LOXL2: variants seen among roughly 807,000 people sequenced by gnomAD.
LOXL2 encodes the protein lysyl oxidase homolog 2.
A neutral mutation model predicts 93.0 loss-of-function variants in LOXL2; 70 were observed. The observed-to-expected ratio is 0.75, with a 90% CI of 0.62 to 0.92. The LOEUF (loss-of-function observed/expected upper bound fraction) is 0.92. Among genes scored for constraint, LOXL2 ranks in the 40% least tolerant of loss-of-function variants. The probability of loss-of-function intolerance (pLI) is 0.00; values close to 1 mark genes in which losing one functional copy is unlikely to be tolerated. For missense variants in LOXL2, 973 were observed against 1,054.9 expected, an observed-to-expected ratio of 0.92 and a Z score of 1.08; for synonymous variants, 438 against 413.2, an observed-to-expected ratio of 1.06 and a Z score of -0.73.
chr8:23,383,272 C>G (rs1804705414), intron 1 of LOXL2, among the ~76,000 whole-genome samples: 5 of 152,062 alleles, frequency 3.3e-5, no homozygotes, highest in Admixed American at 3.3e-4. Flanking sequence ...CACTTCCTAG[C>G]TATATTAAGA....
In LOXL2 at chr8:23,390,309, G is replaced by A. The variant is rs560533454; in HGVS notation, c.-84+13645C>T. Among the ~76,000 whole-genome samples the A allele has an allele frequency of 1.9e-4, 29 of 152,290 alleles. No homozygotes were observed. In the East Asian group the frequency reaches 4.0e-3, roughly 21 times the overall value. The stretch of plus-strand genomic sequence containing the variant: ...GCTCAGAGAATGAGGGAAGTGGCTC[G>A]GGGGCCATGGGACCCTTTAGAACCA... On this transcript the variant is annotated intron_variant, in intron 1 of 13. Coordinates refer to ENST00000389131, the MANE Select transcript of LOXL2 (RefSeq NM_002318.3).
At chr8:23,374,650 T>C (rs1804557171) in intron 1 of LOXL2, among the ~76,000 whole-genome samples, 1 of 152,246 alleles carries the variant, frequency 6.6e-6, no homozygotes, top group Non-Finnish European at 1.5e-5. Context: ...TTCTAACTGG[T>C]GTGAGATGGT....
At chr8:23,362,865 A>C (rs1804323653) in intron 2 of LOXL2, among the ~76,000 whole-genome samples, 2 of 152,224 alleles carry the variant, frequency 1.3e-5, no homozygotes, top group Non-Finnish European at 2.9e-5. Context: ...AAATGAAAGA[A>C]AACAAATCTA....
chr8:23,365,843 C>G (rs1804391664), intron 2 of LOXL2: 1 of 152,422 alleles, frequency 6.6e-6, no homozygotes, highest in Non-Finnish European at 1.5e-5. Context: ...CCAGTGATCA[C>G]AGCAGCTATG....
intron 3 of LOXL2, among the ~76,000 whole-genome samples, chr8:23,347,201 A>G (rs1395892949): frequency 7.1e-5 from 8 of 112,408 alleles, no homozygotes; most frequent in African/African-American, 3.0e-4. Flanking sequence ...ACACACACAC[A>G]CACACACTAG....
chr8:23,328,709 ATGTGTGTGTG>A lies in LOXL2; in HGVS notation c.967-154_967-145del, dbSNP rs60768341. ...AGCTGCAACTATGCTTGATGTATGG[ATGTGTGTGTG>A]TGTGTGTGTGTGTGTGTGTGTGTGT... On this transcript the variant is annotated intron_variant, in intron 5 of 13. Transcript: ENST00000389131. The A allele has an allele frequency of 1.1e-3, 517 of 460,442 alleles. 1 individual carries two copies. Among genetic ancestry groups the A allele is most frequent in the African/African-American group, 6.6e-3 (278 of 42,290 alleles). The allele number at this position is 460,442 out of a possible 1,614,324, so 28.5% of individuals were successfully genotyped here. A position where few individuals can be genotyped will look rare whatever the true frequency, so the allele number is the denominator to read the frequency against.
chr8:23,328,104 C>T (rs956585693), intron 6 of LOXL2, among the ~76,000 whole-genome samples: 3 of 152,058 alleles, frequency 2.0e-5, no homozygotes, highest in Non-Finnish European at 4.4e-5. Context: ...GGGAGACCTA[C>T]GGGGGAGTAT....
intron 11 of LOXL2, 31 bp from the exon 12 acceptor site, chr8:23,302,194 C>T (rs1386988716): frequency 2.5e-6 from 4 of 1,610,850 alleles, no homozygotes; most frequent in South Asian, 2.2e-5. Context: ...AGCTCATCAC[C>T]AGGGAACCAT....
chr8:23,339,583 GAAC>G (rs1803847912), intron 4 of LOXL2, among the ~76,000 whole-genome samples: 1 of 152,232 alleles, frequency 6.6e-6, no homozygotes, highest in Admixed American at 6.5e-5. Flanking sequence ...GTCCAGCTTA[GAAC>G]AGCAGCCAGG....
intron 6 of LOXL2, among the ~76,000 whole-genome samples, chr8:23,326,464 T>C (rs1803578507): frequency 6.6e-6 from 1 of 152,060 alleles, no homozygotes. Flanking sequence ...ATAGTCAAGA[T>C]CCAGGGAGGC....
intron 1 of LOXL2, among the ~76,000 whole-genome samples, chr8:23,382,235 C>T (rs938781815): frequency 6.6e-6 from 1 of 152,040 alleles, no homozygotes; most frequent in African/African-American, 2.4e-5. Context: ...ATGCAATCAG[C>T]GGCCAGGCAC....
intron 3 of LOXL2, among the ~76,000 whole-genome samples, chr8:23,356,294 C>T (rs1034228748): frequency 1.4e-4 from 21 of 152,338 alleles, no homozygotes; most frequent in African/African-American, 4.8e-4. Context: ...CACCCAACTG[C>T]ACGTCCACAA....
chr8:23,305,741 G>A lies in LOXL2; in HGVS notation c.1881-2344C>T, dbSNP rs371832953. Among the ~76,000 whole-genome samples the A allele has an allele frequency of 4.6e-5, 7 of 152,258 alleles. No homozygotes were observed. The South Asian group carries it at 1.2e-3, about 27-fold the overall frequency. On this transcript the variant is annotated intron_variant, in intron 10 of 13. Transcript: ENST00000389131. ...GGGGAGAGAGAGCCTGACACTTGGC[G>A]GAGGTCACTGTGATCTGGACAAAAG...
At chr8:23,374,380 T>C (rs969352507) in intron 1 of LOXL2, among the ~76,000 whole-genome samples, 2 of 152,186 alleles carry the variant, frequency 1.3e-5, no homozygotes, top group Non-Finnish European at 2.9e-5. Flanking sequence ...TCCAAGTCTT[T>C]GCTATTGTGA....
intron 10 of LOXL2, among the ~76,000 whole-genome samples, chr8:23,303,871 A>G (rs1803183393): frequency 6.6e-6 from 1 of 152,260 alleles, no homozygotes; most frequent in African/African-American, 2.4e-5. Flanking sequence ...GGTAAGAAGC[A>G]TGATTAAGGG....
chr8:23,323,422 T>G (rs1585349834), intron 6 of LOXL2, among the ~76,000 whole-genome samples: 1 of 152,238 alleles, frequency 6.6e-6, no homozygotes, highest in Non-Finnish European at 1.5e-5. Context: ...CCTCCTGCAC[T>G]GTCCTCTTTC....
intron 3 of LOXL2, among the ~76,000 whole-genome samples, chr8:23,353,030 G>T (rs1804121283): frequency 7.2e-6 from 1 of 138,162 alleles, no homozygotes; most frequent in East Asian, 2.3e-4. Context: ...GTGGGGTGGG[G>T]TGAGGTGGGG....
Position 23,340,977 on chromosome 8 carries a change from G to C in LOXL2, c.743+15C>G. On this transcript the variant is annotated intron_variant, in intron 4 of 13. Transcript: ENST00000389131. Reference sequence around the variant, plus strand: ...GGATACCCTCAAAGCCACCCCTTTGGTGCAGTCCTCTTACTTGTACACTTT... The same window carrying C: ...GGATACCCTCAAAGCCACCCCTTTGCTGCAGTCCTCTTACTTGTACACTTT... 6.2e-7 allele frequency: 1 copy of C among 1,608,296 alleles called. No individual in the cohort carries two copies. Among genetic ancestry groups the C allele is most frequent in the Non-Finnish European group, 8.5e-7 (1 of 1,174,850 alleles).
At position 23,298,967 on chromosome 8, in the gene LOXL2, A is replaced by G. The variant is rs1294130274; in HGVS notation, c.2134-20T>C. 2 of 1,456,124 alleles carry G rather than the reference A, an allele frequency of 1.4e-6. No individual in the cohort carries two copies. Among genetic ancestry groups the G allele is most frequent in the African/African-American group, 2.8e-5 (2 of 71,732 alleles). 90.2% of individuals were successfully genotyped at this position (1,456,124 alleles called of 1,614,324 possible). A position where few individuals can be genotyped will look rare whatever the true frequency, so the allele number is the denominator to read the frequency against. The stretch of plus-strand genomic sequence containing the variant: ...AACAACCTAGGGAGAAGCAGGGCAG[A>G]GGAGGCTGCTTGTTCCCTCTGCGGC... On this transcript the variant is annotated intron_variant, in intron 12 of 13. Coordinates refer to ENST00000389131, the MANE Select transcript of LOXL2 (RefSeq NM_002318.3).
Sources: gnomAD v4.1 joint callset for allele counts (sites outside exome capture counted in the v4.1 genomes callset) on GRCh38, gnomAD v4.1.1 for gene constraint, MANE v1.5 for transcripts, NCBI Gene and HGNC (gene_info 2026-07-23, HGNC 2026-07-21) for gene names.